Variants in PLCB1 observed in about 807,000 individuals in gnomAD.
PLCB1 encodes the protein 1-phosphatidylinositol 4,5-bisphosphate phosphodiesterase beta-1.
Under a neutral mutation model 161.8 loss-of-function variants are expected in PLCB1, and 46 were observed. That is an observed-to-expected ratio of 0.28 (90% confidence interval 0.22 to 0.36). PLCB1 has a LOEUF of 0.36. PLCB1 is among the 10% of genes least tolerant of loss of function. The pLI is 1.00. For synonymous variants in PLCB1, 517 were observed against 503.7 expected (o/e 1.03, Z -0.35); for missense variants, 1,016 against 1,472.5 (o/e 0.69, Z 5.07).
chr20:8,147,098 T>C (rs191262166), intron 1 of PLCB1, among the ~76,000 whole-genome samples: 2 of 152,102 alleles, frequency 1.3e-5, no homozygotes, highest in African/African-American at 4.8e-5. Context: ...CCTCACCTAT[T>C]GTAGGCCTAC....
At chr20:8,820,768 T>C (rs1239529873) in intron 31 of PLCB1, among the ~76,000 whole-genome samples, 1 of 152,130 alleles carries the variant, frequency 6.6e-6, no homozygotes, top group Non-Finnish European at 1.5e-5. Flanking sequence ...GTTAATATAT[T>C]CCTACAAAAG....
At chr20:8,133,204 T>C (rs1380814846) in intron 1 of PLCB1, among the ~76,000 whole-genome samples, 1 of 152,148 alleles carries the variant, frequency 6.6e-6, no homozygotes, top group African/African-American at 2.4e-5. Flanking sequence ...CAAAACACTT[T>C]AGTGATTGCG....
intron 7 of PLCB1, among the ~76,000 whole-genome samples, 185 bp from the exon 8 acceptor site, chr20:8,656,999 G>T (rs1420057359): frequency 6.6e-6 from 1 of 151,894 alleles, no homozygotes; most frequent in Non-Finnish European, 1.5e-5. Flanking sequence ...GACCTCATAG[G>T]TGTGTTATGA....
intron 2 of PLCB1, among the ~76,000 whole-genome samples, chr20:8,236,703 C>T (rs979210079): frequency 6.6e-6 from 1 of 151,924 alleles, no homozygotes; most frequent in Non-Finnish European, 1.5e-5. Flanking sequence ...AAGTCCGAAC[C>T]AAACAAACTG....
intron 3 of PLCB1, among the ~76,000 whole-genome samples, chr20:8,476,119 G>T (rs766610400): frequency 2.0e-5 from 3 of 152,152 alleles, no homozygotes; most frequent in African/African-American, 7.2e-5. Context: ...TGGCCCCCAC[G>T]GCTACTGGTG....
chr20:8,787,813 G>A (rs1252650546), intron 27 of PLCB1, among the ~76,000 whole-genome samples: 2 of 152,220 alleles, frequency 1.3e-5, no homozygotes, highest in Non-Finnish European at 2.9e-5. Context: ...TCACAGTGAT[G>A]TAGTGACAGT....
intron 3 of PLCB1, among the ~76,000 whole-genome samples, chr20:8,523,343 G>A (rs2122888282): frequency 6.7e-6 from 1 of 149,790 alleles, no homozygotes; most frequent in East Asian, 2.0e-4. Flanking sequence ...CAAGTCTTTG[G>A]AGCAAAAATT....
chr20:8,487,142 A>G (rs1982764073), intron 3 of PLCB1, among the ~76,000 whole-genome samples: 1 of 152,178 alleles, frequency 6.6e-6, no homozygotes, highest in Admixed American at 6.5e-5. Context: ...CTATGTGTGT[A>G]AATTCAAAGG....
rs1987130316 is a variant in PLCB1, at chr20:8,858,143, TA to T, written c.3424-23477del. 2.6e-5 allele frequency among the ~76,000 whole-genome samples: 4 copies of T among 152,290 alleles called. No homozygotes were observed. The South Asian group carries it at 8.3e-4, about 32-fold the overall frequency. On this transcript the variant is annotated intron_variant, in intron 31 of 31. Transcript: ENST00000338037. Reference sequence around the variant, plus strand: ...ACTTGAGGCCTATTTAGCCAATCCTTAACTACCCCAGGATCTGAAATAGATT... The same window carrying T: ...ACTTGAGGCCTATTTAGCCAATCCTTACTACCCCAGGATCTGAAATAGATT...
intron 3 of PLCB1, among the ~76,000 whole-genome samples, chr20:8,614,796 C>T (rs1008101254): frequency 6.6e-6 from 1 of 152,054 alleles, no homozygotes; most frequent in Non-Finnish European, 1.5e-5. Flanking sequence ...TTGGACAGCT[C>T]AGATTTGGAA....
At chr20:8,715,150 C>A (rs1014559539) in intron 12 of PLCB1, among the ~76,000 whole-genome samples, 1 of 152,164 alleles carries the variant, frequency 6.6e-6, no homozygotes, top group African/African-American at 2.4e-5. Context: ...TCAAGTTCGA[C>A]AGACTGTAGA....
At chr20:8,294,074 T>A (rs1385443099) in intron 2 of PLCB1, among the ~76,000 whole-genome samples, 4 of 152,184 alleles carry the variant, frequency 2.6e-5, no homozygotes, top group Non-Finnish European at 5.9e-5. Flanking sequence ...CCCAACCTTT[T>A]TAATGCAGAA....
intron 3 of PLCB1, among the ~76,000 whole-genome samples, chr20:8,457,669 T>C (rs1981376823): frequency 6.6e-6 from 1 of 151,994 alleles, no homozygotes; most frequent in South Asian, 2.1e-4. Flanking sequence ...ATTCCTGGTC[T>C]CTTTATTCAA....
chr20:8,867,770 C>T (rs1310129459), intron 31 of PLCB1, among the ~76,000 whole-genome samples: 1 of 152,146 alleles, frequency 6.6e-6, no homozygotes, highest in Non-Finnish European at 1.5e-5. Context: ...TACAATTCCA[C>T]TTGGCTACAG....
chr20:8,582,615 G>A (rs942340468), intron 3 of PLCB1, among the ~76,000 whole-genome samples: 14 of 152,126 alleles, frequency 9.2e-5, no homozygotes, highest in African/African-American at 3.4e-4. Flanking sequence ...AAAAGTAGAA[G>A]CAACCCAAAT....
chr20:8,740,454 C>A lies in PLCB1; in HGVS notation c.2413+6C>A, dbSNP rs750782625. The A allele has an allele frequency of 2.0e-6, 3 of 1,466,974 alleles. No individual in the cohort carries two copies. The highest frequency in any genetic ancestry group is 1.3e-5 in the South Asian group (1 of 79,610). 90.9% of individuals were successfully genotyped at this position (1,466,974 alleles called of 1,614,324 possible). ...TGTGCCAGACACATATGCAGGTAAA[C>A]AACTTAACTCAAATACCACTTTACT... On this transcript the variant is annotated splice_donor_region_variant and intron_variant, in intron 22 of 31. Coordinates refer to ENST00000338037, the MANE Select transcript of PLCB1 (RefSeq NM_015192.4).
At chr20:8,511,721 G>T (rs1442241024) in intron 3 of PLCB1, among the ~76,000 whole-genome samples, 1 of 152,122 alleles carries the variant, frequency 6.6e-6, no homozygotes, top group Non-Finnish European at 1.5e-5. Flanking sequence ...CATTCTAACA[G>T]GTATGAGCTG....
intron 3 of PLCB1, among the ~76,000 whole-genome samples, chr20:8,426,944 G>A (rs1979807853): frequency 6.6e-6 from 1 of 152,152 alleles, no homozygotes; most frequent in Non-Finnish European, 1.5e-5. Flanking sequence ...TTGAGACAGA[G>A]TCTCGTTGTG....
At chr20:8,206,372 A>G (rs1165214388) in intron 2 of PLCB1, among the ~76,000 whole-genome samples, 2 of 152,068 alleles carry the variant, frequency 1.3e-5, no homozygotes, top group Admixed American at 1.3e-4. Flanking sequence ...CCTCAGTTAA[A>G]TTTGCTTAGT....
Sources: allele counts gnomAD v4.1 joint callset (sites outside exome capture counted in the v4.1 genomes callset), GRCh38; gene constraint gnomAD v4.1.1; transcripts MANE v1.5; gene names NCBI Gene and HGNC (gene_info 2026-07-23, HGNC 2026-07-21).